UNC80: variants seen among roughly 807,000 people sequenced by gnomAD.
UNC80 encodes protein unc-80 homolog.
UNC80 carries 164 observed loss-of-function variants against 384.6 expected under a neutral mutation model. That is an observed-to-expected ratio of 0.43 (90% CI 0.38 to 0.49). The LOEUF is 0.49. Among genes scored for constraint, UNC80 ranks in the 20% least tolerant of loss-of-function variants. The pLI is 0.00. For synonymous variants in UNC80, 1,486 were observed against 1,527.8 expected, an observed-to-expected ratio of 0.97 and a Z score of 0.64; for missense variants, 3,330 against 4,143.0, an observed-to-expected ratio of 0.80 and a Z score of 5.39.
intron 1 of UNC80, 23 bp downstream of exon 1, chr2:209,772,187 C>G (rs759704277): frequency 1.1e-5 from 17 of 1,519,150 alleles, no homozygotes; most frequent in Non-Finnish European, 1.5e-5. Context: ...GAGGGCGCAC[C>G]GCGGGCCGCC....
At position 209,939,661 on chromosome 2, in the gene UNC80, C is replaced by G. The variant is rs1348162198; in HGVS notation, c.6646+9C>G. On this transcript the variant is annotated intron_variant, in intron 43 of 64. Coordinates refer to ENST00000673920, the MANE Select transcript of UNC80 (RefSeq NM_001371986.1). ...CTTCAGTGATCCTCAAGGTATCAAACAAAGAAACATTGCCTCTCTGGGGCT... is the reference window on the plus strand; with the variant it reads ...CTTCAGTGATCCTCAAGGTATCAAAGAAAGAAACATTGCCTCTCTGGGGCT... 5.2e-6 allele frequency: 8 copies of G among 1,531,278 alleles called. No homozygotes were observed. Among genetic ancestry groups the G allele is most frequent in the Non-Finnish European group, 7.0e-6 (8 of 1,135,996 alleles). 94.9% of individuals were successfully genotyped at this position (1,531,278 alleles called of 1,614,324 possible).
chr2:209,828,443 G>T (rs1412487593), intron 14 of UNC80, among the ~76,000 whole-genome samples: 1 of 151,948 alleles, frequency 6.6e-6, no homozygotes, highest in African/African-American at 2.4e-5. Context: ...CAGATGGAGA[G>T]ATTATAACAA....
chr2:209,974,747 A>G (rs1274988325), intron 56 of UNC80, among the ~76,000 whole-genome samples: 1 of 152,230 alleles, frequency 6.6e-6, no homozygotes, highest in African/African-American at 2.4e-5. Flanking sequence ...ATATATCTTA[A>G]TAAGTGACAG....
At chr2:209,852,241 G>C (rs926515809) in intron 22 of UNC80, among the ~76,000 whole-genome samples, 1 of 152,090 alleles carries the variant, frequency 6.6e-6, no homozygotes, top group Non-Finnish European at 1.5e-5. Context: ...CAAGGTCAAG[G>C]TCAAGCTGTG....
At chr2:209,792,518 T>C (rs568302387) in intron 6 of UNC80, among the ~76,000 whole-genome samples, 1 of 152,208 alleles carries the variant, frequency 6.6e-6, no homozygotes, top group East Asian at 1.9e-4. Context: ...CAGCTAATTT[T>C]TTGTATTTTT....
chr2:209,894,210 A>G lies in UNC80; in HGVS notation c.4324A>G (p.Lys1442Glu). The G allele has an allele frequency of 1.0e-6, 1 of 985,436 alleles. No homozygotes were observed. The allele number at this position is 985,436 out of a possible 1,614,324, so 61.0% of individuals were successfully genotyped here. The change falls in exon 27 of 65, where the codon AAA becomes GAA. Residue 1442 changes from lysine (K) to glutamate (E), a missense_variant. Coordinates refer to ENST00000673920, the MANE Select transcript of UNC80 (RefSeq NM_001371986.1). ...RIGGSRLLQIKGTRSFQVKKG... is the reference protein window; with the variant it reads ...RIGGSRLLQIEGTRSFQVKKG... Reference sequence around the variant, plus strand: ...AGGAGGTTCTCGCCTGCTCCAGATTAAAGGAACCCGCAGTTTCCAGGTGAA... The same window carrying G: ...AGGAGGTTCTCGCCTGCTCCAGATTGAAGGAACCCGCAGTTTCCAGGTGAA...
intron 13 of UNC80, among the ~76,000 whole-genome samples, chr2:209,821,720 T>A (rs576470654): frequency 2.0e-5 from 3 of 152,216 alleles, no homozygotes; most frequent in African/African-American, 4.8e-5. Flanking sequence ...TTTTCTTTTT[T>A]AATTTTAAAT....
chr2:209,786,615 G>A lies in UNC80; in HGVS notation c.724+426G>A, dbSNP rs571887577. On this transcript the variant is annotated intron_variant, in intron 5 of 64. Transcript: ENST00000673920. Reference sequence around the variant, plus strand: ...TCCTTAACAAAATCATCTTAGTGTTGTATTGTTATCAAAGCATTTCTCTTC... The same window carrying A: ...TCCTTAACAAAATCATCTTAGTGTTATATTGTTATCAAAGCATTTCTCTTC... Among the ~76,000 whole-genome samples, 31 of 152,160 alleles carry A rather than the reference G, an allele frequency of 2.0e-4. No individual in the cohort carries two copies. In the South Asian group the frequency reaches 6.2e-3, roughly 31 times the overall value.
intron 52 of UNC80, 30 bp downstream of exon 52, chr2:209,967,667 A>G (rs1318031193): frequency 7.1e-6 from 11 of 1,542,218 alleles, no homozygotes; most frequent in Non-Finnish European, 9.7e-6. Context: ...AGCTGTTGCT[A>G]TCACAAATGT....
chr2:209,787,958 C>T (rs1456015271), intron 5 of UNC80, among the ~76,000 whole-genome samples: 6 of 151,960 alleles, frequency 3.9e-5, no homozygotes, highest in African/African-American at 1.2e-4. Context: ...TGTTATTGCC[C>T]CTGAAGACCT....
At chr2:209,817,258 C>T in intron 10 of UNC80, 133 bp downstream of exon 10, 1 of 741,192 alleles carries the variant, frequency 1.3e-6, no homozygotes, top group South Asian at 1.9e-5. Flanking sequence ...TTCAGGTTCT[C>T]CAGTACCAAA....
chr2:209,908,346 T>G (rs538868531), intron 29 of UNC80, among the ~76,000 whole-genome samples: 11 of 152,354 alleles, frequency 7.2e-5, no homozygotes, highest in African/African-American at 2.6e-4. Context: ...AATTTGCTAA[T>G]CTACATTTCA....
intron 43 of UNC80, 43 bp from the exon 44 acceptor site, chr2:209,941,178 G>T (rs1464110738): frequency 6.8e-7 from 1 of 1,467,528 alleles, no homozygotes; most frequent in Non-Finnish European, 9.1e-7. Context: ...TGACAGGATT[G>T]GTGTGGGGCT....
At chr2:209,849,378 GA>G (rs2082367900) in intron 21 of UNC80, 72 bp from the exon 22 acceptor site, 21 of 1,506,748 alleles carry the variant, frequency 1.4e-5, no homozygotes, top group African/African-American at 2.8e-5. Context: ...TTATATCTTT[GA>G]AACTCTTTTT....
At chr2:209,827,610 T>G (rs1395475179) in intron 14 of UNC80, among the ~76,000 whole-genome samples, 1 of 152,206 alleles carries the variant, frequency 6.6e-6, no homozygotes, top group African/African-American at 2.4e-5. Context: ...TCATTATTGA[T>G]ATTATATTTG....
intron 47 of UNC80, among the ~76,000 whole-genome samples, chr2:209,949,659 G>A (rs534360620): frequency 3.4e-4 from 51 of 152,110 alleles, no homozygotes; most frequent in Admixed American, 7.2e-4. Flanking sequence ...TGTATTTTTA[G>A]TAGACATGGG....
intron 7 of UNC80, among the ~76,000 whole-genome samples, chr2:209,800,098 A>C (rs1358573124): frequency 6.6e-6 from 1 of 152,128 alleles, no homozygotes; most frequent in Admixed American, 6.5e-5. Context: ...TTAGGGAGGA[A>C]TCCCTCCTTT....
chr2:209,820,684 G>T lies in UNC80; in HGVS notation c.2331+5G>T. 2 of 1,532,410 alleles carry T rather than the reference G, an allele frequency of 1.3e-6. No homozygotes were observed. Among genetic ancestry groups the T allele is most frequent in the South Asian group, 2.5e-5 (2 of 80,222 alleles). 94.9% of individuals were successfully genotyped at this position (1,532,410 alleles called of 1,614,324 possible). Reference sequence around the variant, plus strand: ...AATGATAAGAACCAAGAGAAGGTATGACTGAACCACCTTATGTGTCCTCAT... The same window carrying T: ...AATGATAAGAACCAAGAGAAGGTATTACTGAACCACCTTATGTGTCCTCAT... On this transcript the variant is annotated splice_donor_5th_base_variant and intron_variant, in intron 13 of 64. Transcript: ENST00000673920.
intron 61 of UNC80, among the ~76,000 whole-genome samples, chr2:209,985,363 C>A (rs1399438631): frequency 6.6e-6 from 1 of 152,132 alleles, no homozygotes; most frequent in Non-Finnish European, 1.5e-5. Flanking sequence ...AGAAAATAGA[C>A]AATGATGTTA....
Sources: allele counts gnomAD v4.1 joint callset (sites outside exome capture counted in the v4.1 genomes callset), GRCh38; gene constraint gnomAD v4.1.1; transcripts MANE v1.5; gene names NCBI Gene and HGNC (gene_info 2026-07-23, HGNC 2026-07-21).